Variants in HOMER2 observed in about 807,000 individuals in gnomAD.
HOMER2 encodes homer protein homolog 2.
Under a neutral mutation model 47.0 loss-of-function variants are expected in HOMER2, and 27 were observed. The ratio of observed to expected loss-of-function variants is 0.57; its 90% CI spans 0.42 to 0.79. The LOEUF (loss-of-function observed/expected upper bound fraction) is 0.79, where lower values mean the gene tolerates loss of function less well. HOMER2 is among the 30% of genes least tolerant of loss of function. The pLI, the probability that HOMER2 is intolerant of heterozygous loss-of-function variation, is 0.00. For synonymous variants in HOMER2, 161 were observed against 163.8 expected (o/e 0.98, Z 0.13); for missense variants, 443 against 435.0 (o/e 1.02, Z -0.16).
intron 1 of HOMER2, among the ~76,000 whole-genome samples, chr15:82,948,735 G>A (rs1432100480): frequency 6.6e-6 from 1 of 152,210 alleles, no homozygotes; most frequent in Non-Finnish European, 1.5e-5. Flanking sequence ...TCTCAGGTAA[G>A]GCAAGAAAAG....
intron 5 of HOMER2, among the ~76,000 whole-genome samples, chr15:82,856,467 A>G (rs1344453439): frequency 6.6e-6 from 1 of 152,044 alleles, no homozygotes; most frequent in Non-Finnish European, 1.5e-5. Context: ...ATAAAAATAA[A>G]AATCAGCCAG....
chr15:82,945,746 A>G lies in HOMER2; in HGVS notation c.5+6785T>C, dbSNP rs187857200. 1.6e-4 allele frequency among the ~76,000 whole-genome samples: 24 copies of G among 152,260 alleles called. No individual in the cohort carries two copies. In the East Asian group the frequency reaches 3.1e-3, roughly 20 times the overall value. The stretch of plus-strand genomic sequence containing the variant: ...AACATTTTGGGAGGCCAAGGCGGGC[A>G]AATCACGAGGTCAGGAGATCGAGAC... On this transcript the variant is annotated intron_variant, in intron 1 of 8. Coordinates refer to ENST00000450735, the MANE Select transcript of HOMER2 (RefSeq NM_004839.4).
intron 1 of HOMER2, among the ~76,000 whole-genome samples, chr15:82,910,925 G>C (rs1378704819): frequency 1.1e-5 from 1 of 94,828 alleles, no homozygotes; most frequent in Non-Finnish European, 2.0e-5. Context: ...CTCTTCTTAA[G>C]GAGTAAGGGA....
At chr15:82,836,984 T>C (rs1203057187) in exon 2 of HOMER2, 1 of 152,270 alleles carries the variant, frequency 6.6e-6, no homozygotes, top group Non-Finnish European at 1.5e-5. Flanking sequence ...AGTTCCATAG[T>C]CAGAAGTCTG....
intron 5 of HOMER2, among the ~76,000 whole-genome samples, chr15:82,858,436 G>A (rs146733566): frequency 0.017 from 2,653 of 152,112 alleles, 74 homozygotes; most frequent in African/African-American, 0.061. Context: ...GGGACTACAG[G>A]TAAACACCAC....
chr15:82,912,093 T>C (rs2053469282), intron 1 of HOMER2, among the ~76,000 whole-genome samples: 1 of 152,200 alleles, frequency 6.6e-6, no homozygotes, highest in African/African-American at 2.4e-5. Context: ...GTTATTTGTA[T>C]TGAGATATAA....
At chr15:82,940,032 A>G (rs975769724) in intron 1 of HOMER2, among the ~76,000 whole-genome samples, 5 of 152,136 alleles carry the variant, frequency 3.3e-5, no homozygotes, top group African/African-American at 1.2e-4. Context: ...ACACCTGGAG[A>G]CAGGGTGGGG....
At chr15:82,922,829 C>T (rs2053764315) in intron 1 of HOMER2, among the ~76,000 whole-genome samples, 1 of 152,188 alleles carries the variant, frequency 6.6e-6, no homozygotes, top group Non-Finnish European at 1.5e-5. Flanking sequence ...ACCCAACCTA[C>T]AGGCTTAACA....
At chr15:82,863,782 G>A (rs1476187357) in intron 4 of HOMER2, among the ~76,000 whole-genome samples, 6 of 152,166 alleles carry the variant, frequency 3.9e-5, no homozygotes, top group African/African-American at 9.7e-5. Flanking sequence ...TGTTAAAACC[G>A]GAGATGAACA....
At chr15:82,892,146 C>T (rs533063896) in intron 2 of HOMER2, among the ~76,000 whole-genome samples, 20 of 152,166 alleles carry the variant, frequency 1.3e-4, no homozygotes, top group African/African-American at 4.6e-4. Context: ...ACTCCTATGC[C>T]TAATAACACC....
chr15:82,964,025 T>C (rs2054652638), intron 1 of HOMER2, among the ~76,000 whole-genome samples: 1 of 152,220 alleles, frequency 6.6e-6, no homozygotes, highest in South Asian at 2.1e-4. Flanking sequence ...TTTGGCCAGA[T>C]ATTAATTAGG....
intron 8 of HOMER2, among the ~76,000 whole-genome samples, chr15:82,850,620 G>C (rs2051361573): frequency 6.6e-6 from 1 of 152,220 alleles, no homozygotes; most frequent in African/African-American, 2.4e-5. Context: ...CTGAACATGT[G>C]CACAGGAAGC....
chr15:82,855,325 C>CAAA (rs1162254209), intron 5 of HOMER2, among the ~76,000 whole-genome samples: 3,539 of 61,242 alleles, frequency 0.058, 387 homozygotes, highest in African/African-American at 0.12. Flanking sequence ...ACTCCATCTC[C>CAAA]AAAAAAAAAA....
intron 1 of HOMER2, among the ~76,000 whole-genome samples, chr15:82,984,018 A>T (rs1053427788): frequency 6.0e-5 from 9 of 150,856 alleles, no homozygotes; most frequent in African/African-American, 2.2e-4. Context: ...GAATAGTACT[A>T]TTCAATTATT....
intron 3 of HOMER2, among the ~76,000 whole-genome samples, chr15:82,874,598 G>A (rs1188376060): frequency 6.6e-6 from 1 of 152,112 alleles, no homozygotes; most frequent in African/African-American, 2.4e-5. Context: ...TTGGAGAAGT[G>A]ACTTGGAGCT....
intron 1 of HOMER2, among the ~76,000 whole-genome samples, chr15:82,938,394 A>AGCTGATCAAGCTC (rs935503304): frequency 1.4e-4 from 21 of 152,240 alleles, no homozygotes; most frequent in African/African-American, 4.8e-4. Context: ...AGAAAATGCC[A>AGCTGATCAAGCTC]GCTGATCAAG....
chr15:82,973,448 T>A (rs975117554), intron 1 of HOMER2, among the ~76,000 whole-genome samples: 1 of 152,188 alleles, frequency 6.6e-6, no homozygotes, highest in African/African-American at 2.4e-5. Flanking sequence ...AATATAAATA[T>A]AAAGCTCTGC....
chr15:82,842,042 A>G lies in HOMER2; in HGVS notation c.*5232T>C, dbSNP rs376451916. The G allele has an allele frequency of 1.1e-4, 16 of 152,344 alleles. No homozygotes were observed. The East Asian group carries it at 1.2e-3, about 11-fold the overall frequency. 9.4% of individuals were successfully genotyped at this position (152,344 alleles called of 1,614,324 possible). A position where few individuals can be genotyped will look rare whatever the true frequency, so the allele number is the denominator to read the frequency against. On this transcript the variant is annotated 3_prime_UTR_variant, in exon 2 of 2. Coordinates refer to the HOMER2 transcript ENST00000558090. ...GTTTTTAAATAATGTTTACACTTAC[A>G]TAAGTCTAATGTTTTAAAGTCATAA... is the stretch of plus-strand genomic sequence containing the variant.
rs71822678 is a variant in HOMER2, at chr15:82,869,450, CTTTTTTTT to C, written c.295-5199_295-5192del. Among the ~76,000 whole-genome samples the C allele has an allele frequency of 3.0e-4, 21 of 70,264 alleles. 1 individual carries two copies. In the South Asian group the frequency reaches 9.0e-3, roughly 30 times the overall value. The allele number at this position is 70,264 out of a possible 152,430, so 46.1% of individuals were successfully genotyped here. On this transcript the variant is annotated intron_variant, in intron 3 of 8. Transcript: ENST00000450735. The stretch of plus-strand genomic sequence containing the variant: ...AATTATATGATTTTCTACTAAACAT[CTTTTTTTT>C]TTTTTTTTTTTTTTTTTTGAGACAG...
Sources: gnomAD v4.1 joint callset for allele counts (sites outside exome capture counted in the v4.1 genomes callset) on GRCh38, gnomAD v4.1.1 for gene constraint, MANE v1.5 for transcripts, NCBI Gene and HGNC (gene_info 2026-07-23, HGNC 2026-07-21) for gene names.